SLC25A26: variants seen among roughly 807,000 people sequenced by gnomAD.
SLC25A26 encodes solute carrier family 25 member 26, also known as mitochondrial S-adenosylmethionine carrier protein.
A neutral mutation model predicts 37.8 loss-of-function variants in SLC25A26; 36 were observed. That is an observed-to-expected ratio of 0.95 (90% confidence interval 0.73 to 1.26). SLC25A26 has a LOEUF of 1.26. SLC25A26 is among the 50% of genes most tolerant of loss of function. SLC25A26 has a pLI of 0.00. For missense variants in SLC25A26, 390 were observed against 331.1 expected (o/e 1.18, Z -1.38); for synonymous variants, 129 against 122.5 (o/e 1.05, Z -0.35).
Position 66,352,428 on chromosome 3 carries a change from G to GTT in SLC25A26, c.498+6025_498+6026dup, listed in dbSNP as rs1242977476. ...TGCCTAGCGCCTCCCCTCGTTTTTT[G>GTT]TTTTTTGTTTTTTGTTTTTTTTTTT... On this transcript the variant is annotated intron_variant, in intron 6 of 9. Transcript: ENST00000354883. Among the ~76,000 whole-genome samples the GTT allele has an allele frequency of 6.6e-3, 829 of 126,436 alleles. 58 individuals carry two copies. Among genetic ancestry groups the GTT allele is most frequent in the African/African-American group, 0.027 (768 of 28,920 alleles). 82.9% of individuals were successfully genotyped at this position (126,436 alleles called of 152,430 possible). A position where few individuals can be genotyped will look rare whatever the true frequency, so the allele number is the denominator to read the frequency against.
At chr3:66,147,371 C>T (rs1435718405) in intron 1 of SLC25A26, among the ~76,000 whole-genome samples, 1 of 151,640 alleles carries the variant, frequency 6.6e-6, no homozygotes, top group African/African-American at 2.4e-5. Flanking sequence ...CCATGTTGGC[C>T]AGGCTGGTCT....
chr3:66,255,708 T>TA (rs747930378), intron 3 of SLC25A26, among the ~76,000 whole-genome samples: 320 of 152,306 alleles, frequency 2.1e-3, no homozygotes, highest in Non-Finnish European at 3.2e-3. Flanking sequence ...AGAACCATAA[T>TA]ACTGTAACAT....
At chr3:66,292,812 C>T (rs2074760587) in intron 5 of SLC25A26, among the ~76,000 whole-genome samples, 2 of 152,054 alleles carry the variant, frequency 1.3e-5, no homozygotes, top group Non-Finnish European at 2.9e-5. Context: ...TCTGAATTTC[C>T]TGAATTTGAA....
chr3:66,176,556 T>A (rs1389116163), intron 1 of SLC25A26, among the ~76,000 whole-genome samples: 8 of 152,204 alleles, frequency 5.3e-5, no homozygotes, highest in Non-Finnish European at 1.5e-5. Flanking sequence ...CTATTTGCAG[T>A]TACAGGATAT....
At chr3:66,266,006 C>T (rs2073732820) in intron 5 of SLC25A26, among the ~76,000 whole-genome samples, 2 of 152,148 alleles carry the variant, frequency 1.3e-5, no homozygotes, top group Non-Finnish European at 2.9e-5. Flanking sequence ...CAACTGCTTT[C>T]TGTTCTTTAA....
intron 1 of SLC25A26, among the ~76,000 whole-genome samples, chr3:66,180,199 C>T (rs1379047308): frequency 6.6e-6 from 1 of 152,160 alleles, no homozygotes; most frequent in Non-Finnish European, 1.5e-5. Context: ...ATGAGCAGAC[C>T]TAAACAGAAA....
At chr3:66,313,712 G>A (rs893054940) in intron 5 of SLC25A26, among the ~76,000 whole-genome samples, 1 of 152,102 alleles carries the variant, frequency 6.6e-6, no homozygotes, top group Non-Finnish European at 1.5e-5. Context: ...ACTTAGGGTG[G>A]TGTGGCCATT....
intron 5 of SLC25A26, among the ~76,000 whole-genome samples, chr3:66,313,591 T>G (rs1242367724): frequency 7.9e-5 from 12 of 152,236 alleles, no homozygotes; most frequent in Non-Finnish European, 1.8e-4. Context: ...TAGGATTGTC[T>G]TGGCTGTATG....
intron 5 of SLC25A26, among the ~76,000 whole-genome samples, chr3:66,319,229 G>A (rs1302967216): frequency 6.7e-6 from 1 of 150,280 alleles, no homozygotes; most frequent in Non-Finnish European, 1.5e-5. Flanking sequence ...CTGTATATTA[G>A]GAGCCTCATT....
Position 66,288,318 on chromosome 3 carries a change from A to C in SLC25A26, c.453+24939A>C, listed in dbSNP as rs181038422. Reference sequence around the variant, plus strand: ...AAGGAATTGATATGTTGACATTGGAAAGCATTTTTTTTAAAAAAATTAAAC... The same window carrying C: ...AAGGAATTGATATGTTGACATTGGACAGCATTTTTTTTAAAAAAATTAAAC... On this transcript the variant is annotated intron_variant, in intron 5 of 9. Transcript: ENST00000354883. Among the ~76,000 whole-genome samples the C allele has an allele frequency of 7.5e-4, 114 of 152,190 alleles. 2 individuals carry two copies. The East Asian group carries it at 0.019, about 25-fold the overall frequency.
chr3:66,378,262 C>T lies in SLC25A26; in HGVS notation c.*455C>T, dbSNP rs1174561694. On this transcript the variant is annotated 3_prime_UTR_variant, in exon 10 of 10. Coordinates refer to ENST00000354883, the MANE Select transcript of SLC25A26 (RefSeq NM_001379210.1). ...TGGGTGTTTCTCCCCCTAGTTAATT[C>T]CTGTTGTGTAAGGGTAGGCTTTGTT... The T allele has an allele frequency of 6.5e-6, 1 of 153,580 alleles. No individual in the cohort carries two copies. The highest frequency in any genetic ancestry group is 1.5e-5 in the Non-Finnish European group (1 of 68,776). 9.5% of individuals were successfully genotyped at this position (153,580 alleles called of 1,614,324 possible).
upstream of SLC25A26, among the ~76,000 whole-genome samples, chr3:66,217,411 A>G (rs987355328): frequency 3.9e-5 from 6 of 152,348 alleles, no homozygotes; most frequent in South Asian, 1.0e-3. Context: ...TCTAACTTAA[A>G]TAGGAAAATA....
chr3:66,136,455 A>C (rs1429492927), intron 1 of SLC25A26, among the ~76,000 whole-genome samples: 1 of 152,248 alleles, frequency 6.6e-6, no homozygotes, highest in Non-Finnish European at 1.5e-5. Context: ...CAGGGTGAGC[A>C]TGTAATAAAT....
intron 5 of SLC25A26, among the ~76,000 whole-genome samples, chr3:66,314,752 CT>C (rs1313252537): frequency 7.0e-6 from 1 of 142,102 alleles, no homozygotes; most frequent in Non-Finnish European, 1.5e-5. Context: ...TGGTTCTGGG[CT>C]TTTTTTTGTT....
intron 5 of SLC25A26, among the ~76,000 whole-genome samples, chr3:66,290,558 A>G (rs993050668): frequency 1.4e-4 from 22 of 152,310 alleles, no homozygotes; most frequent in African/African-American, 3.8e-4. Context: ...CCTTTTCTGC[A>G]TCATTTGAGA....
intron 5 of SLC25A26, among the ~76,000 whole-genome samples, chr3:66,308,421 A>T (rs889490561): frequency 2.6e-5 from 4 of 152,120 alleles, no homozygotes; most frequent in African/African-American, 9.7e-5. Flanking sequence ...TGGAGTTTTC[A>T]AAATATACAA....
At chr3:66,153,560 T>G (rs2070236366) in intron 1 of SLC25A26, among the ~76,000 whole-genome samples, 3 of 152,228 alleles carry the variant, frequency 2.0e-5, no homozygotes, top group Admixed American at 2.0e-4. Context: ...CAGACCGCGC[T>G]TTGAGAAACA....
chr3:66,363,003 A>C lies in SLC25A26; in HGVS notation c.568+74A>C, dbSNP rs1575611144. On this transcript the variant is annotated intron_variant, in intron 7 of 9. Transcript: ENST00000354883. ...GTGAAAATATTAACTATGCAAAAAC[A>C]ACATTCTTTAGACATTCCAGGTTGT... 4 of 997,236 alleles carry C rather than the reference A, an allele frequency of 4.0e-6. No individual in the cohort carries two copies. The East Asian group carries it at 1.1e-4, about 28-fold the overall frequency. The allele number at this position is 997,236 out of a possible 1,614,324, so 61.8% of individuals were successfully genotyped here.
rs149163444 is a variant in SLC25A26, at chr3:66,138,655, T to G, written c.-354+4671T>G. Among the ~76,000 whole-genome samples, 742 of 97,762 alleles carry G rather than the reference T, an allele frequency of 7.6e-3. 6 individuals are homozygous for G. The highest frequency in any genetic ancestry group is 0.026 in the African/African-American group (658 of 24,924). The allele number at this position is 97,762 out of a possible 152,430, so 64.1% of individuals were successfully genotyped here. A position where few individuals can be genotyped will look rare whatever the true frequency, so the allele number is the denominator to read the frequency against. The stretch of plus-strand genomic sequence containing the variant: ...AGGATTGATGCAGGGGGAGGGGGGG[T>G]AGGGATGTATTGGGGTAGGGGAAGA... On this transcript the variant is annotated intron_variant, in intron 1 of 10. Transcript: ENST00000676754.
Sources: gnomAD v4.1 joint callset for allele counts (sites outside exome capture counted in the v4.1 genomes callset) on GRCh38, gnomAD v4.1.1 for gene constraint, MANE v1.5 for transcripts, NCBI Gene and HGNC (gene_info 2026-07-23, HGNC 2026-07-21) for gene names.